Variants in GALNT18 observed in about 807,000 individuals in gnomAD.
The protein encoded by GALNT18 is GalNAc-transferase 18.
Under a neutral mutation model 69.5 loss-of-function variants are expected in GALNT18, and 44 were observed. The observed-to-expected ratio is 0.63, with a 90% CI of 0.50 to 0.81. The LOEUF is 0.81. GALNT18 is among the 40% of genes least tolerant of loss of function. The pLI is 0.00. For synonymous variants in GALNT18, 364 were observed against 318.2 expected (o/e 1.14, Z -1.53); for missense variants, 715 against 810.0 (o/e 0.88, Z 1.42).
rs191139318 is a variant in GALNT18 at position 11,385,497 on chromosome 11, A to C, written c.596-6233T>G. 3.9e-5 allele frequency among the ~76,000 whole-genome samples: 6 copies of C among 151,966 alleles called. No homozygotes were observed. The East Asian group carries it at 1.2e-3, about 29-fold the overall frequency. On this transcript the variant is annotated intron_variant, in intron 3 of 10. Coordinates refer to ENST00000227756, the MANE Select transcript of GALNT18 (RefSeq NM_198516.3). The stretch of plus-strand genomic sequence containing the variant: ...TTTTTAGTAGAGATGGGGTTTCACC[A>C]TGTTAGCCAGGATGGTCTCGATCTC...
At position 11,292,947 on chromosome 11, in the gene GALNT18, T is replaced by A. The variant is rs535419857; in HGVS notation, c.1677+82A>T. ...GTCTCTCCTTCCCCTTCCCCTCTCC[T>A]CCACCACCTCCCTGGCCCCTGAGGC... is the stretch of plus-strand genomic sequence containing the variant. On this transcript the variant is annotated intron_variant, in intron 10 of 10. Coordinates refer to ENST00000227756, the MANE Select transcript of GALNT18 (RefSeq NM_198516.3). 1.2e-5 allele frequency: 15 copies of A among 1,265,124 alleles called. No homozygotes were observed. The South Asian group carries it at 3.8e-4, about 32-fold the overall frequency. 78.4% of individuals were successfully genotyped at this position (1,265,124 alleles called of 1,614,324 possible). A position where few individuals can be genotyped will look rare whatever the true frequency, so the allele number is the denominator to read the frequency against.
In GALNT18 at chr11:11,620,363, A is replaced by G. The variant is rs1860161660; in HGVS notation, c.235+996T>C. Among the ~76,000 whole-genome samples, 1 of 151,104 alleles carries G rather than the reference A, an allele frequency of 6.6e-6. No homozygotes were observed. Among genetic ancestry groups the G allele is most frequent in the South Asian group, 2.1e-4 (1 of 4,814 alleles). ...TGTGTGTGTGTGCACACCCGGCACC[A>G]GTGCTCCTGGCGCCCGGAACTCCAT... On this transcript the variant is annotated intron_variant, in intron 1 of 10. Transcript: ENST00000227756. The surrounding 1 kb of genome is among the most constrained non-coding windows in gnomAD (Gnocchi z 6.9).
At chr11:11,278,637 T>G in intron 10 of GALNT18, among the ~76,000 whole-genome samples, 1 of 151,762 alleles carries the variant, frequency 6.6e-6, no homozygotes, top group Middle Eastern at 3.2e-3. Flanking sequence ...TACTCACATA[T>G]GGGAGTTAAA....
At position 11,421,318 on chromosome 11, in the gene GALNT18, C is replaced by A. The variant is rs183384382; in HGVS notation, c.595+11303G>T. Reference sequence around the variant, plus strand: ...GCCCTGGGGCTGGTCCACAAAGAGGCGGGTGACTCAAGAGCTGATATACTT... The same window carrying A: ...GCCCTGGGGCTGGTCCACAAAGAGGAGGGTGACTCAAGAGCTGATATACTT... On this transcript the variant is annotated intron_variant, in intron 3 of 10. Coordinates refer to ENST00000227756, the MANE Select transcript of GALNT18 (RefSeq NM_198516.3). This position sits in a 1 kb window ranked among gnomAD's most constrained non-coding sequence, Gnocchi z 5.6. Among the ~76,000 whole-genome samples, 1 of 152,148 alleles carries A rather than the reference C, an allele frequency of 6.6e-6. No individual in the cohort carries two copies. Among genetic ancestry groups the A allele is most frequent in the Non-Finnish European group, 1.5e-5 (1 of 68,010 alleles).
chr11:11,439,142 A>C lies in GALNT18; in HGVS notation c.429-6355T>G, dbSNP rs781513644. On this transcript the variant is annotated intron_variant, in intron 2 of 10. Transcript: ENST00000227756. This position sits in a 1 kb window ranked among gnomAD's most constrained non-coding sequence, Gnocchi z 4.4. ...ACAATGGAGGGGTTGAATGTAGGAG[A>C]TCCTAAGAAGATGATAAGTGAGGCG... Among the ~76,000 whole-genome samples, 46 of 152,158 alleles carry C rather than the reference A, an allele frequency of 3.0e-4. No homozygotes were observed. Among genetic ancestry groups the C allele is most frequent in the Non-Finnish European group, 5.4e-4 (37 of 68,038 alleles).
chr11:11,356,788 G>C lies in GALNT18; in HGVS notation c.1092+15727C>G, dbSNP rs1329576351. ...CATTCCTGAGTAAAATTGTTCTTGG[G>C]CACTCTCCTTCTGCTCCCCACCATT... On this transcript the variant is annotated intron_variant, in intron 6 of 10. Coordinates refer to ENST00000227756, the MANE Select transcript of GALNT18 (RefSeq NM_198516.3). This position sits in a 1 kb window ranked among gnomAD's most constrained non-coding sequence, Gnocchi z 4.4. 6.6e-6 allele frequency among the ~76,000 whole-genome samples: 1 copy of C among 152,138 alleles called. No individual in the cohort carries two copies. Among genetic ancestry groups the C allele is most frequent in the Admixed American group, 6.5e-5 (1 of 15,282 alleles).
intron 3 of GALNT18, among the ~76,000 whole-genome samples, chr11:11,411,648 T>C (rs932585435): frequency 5.3e-5 from 8 of 152,224 alleles, no homozygotes; most frequent in African/African-American, 1.9e-4. Context: ...TATCTTGGCA[T>C]GGGACAATAT....
chr11:11,362,159 C>A (rs970633052), intron 6 of GALNT18, among the ~76,000 whole-genome samples: 1 of 151,972 alleles, frequency 6.6e-6, no homozygotes, highest in African/African-American at 2.4e-5. Flanking sequence ...ATTCCTCACA[C>A]CAAACTGCAG....
Position 11,606,717 on chromosome 11 carries a change from A to G in GALNT18, c.235+14642T>C, listed in dbSNP as rs1859765677. Among the ~76,000 whole-genome samples, 1 of 152,200 alleles carries G rather than the reference A, an allele frequency of 6.6e-6. No homozygotes were observed. The highest frequency in any genetic ancestry group is 6.5e-5 in the Admixed American group (1 of 15,278). On this transcript the variant is annotated intron_variant, in intron 1 of 10. Coordinates refer to ENST00000227756, the MANE Select transcript of GALNT18 (RefSeq NM_198516.3). The surrounding 1 kb of genome is among the most constrained non-coding windows in gnomAD (Gnocchi z 5.4). ...GGTTTCATCTGAGGACAAACAAGTA[A>G]GGATTTTCCTTCCTGGTGCACACGT...
intron 1 of GALNT18, among the ~76,000 whole-genome samples, chr11:11,466,310 C>A (rs551796631): frequency 6.6e-6 from 1 of 152,200 alleles, no homozygotes; most frequent in South Asian, 2.1e-4. Flanking sequence ...AAATCCCTAC[C>A]CTCCTTTCAT....
In GALNT18 at chr11:11,621,272, T is replaced by A; in HGVS notation, c.235+87A>T. On this transcript the variant is annotated intron_variant, in intron 1 of 10. Transcript: ENST00000227756. This position sits in a 1 kb window ranked among gnomAD's most constrained non-coding sequence, Gnocchi z 9.3. ...GCCCCAGAGCCCCGCCGTGGCTGAG[T>A]TGATGCGCACCAGCCCCAGCGCACC... 2 of 1,100,368 alleles carry A rather than the reference T, an allele frequency of 1.8e-6. No homozygotes were observed. The highest frequency in any genetic ancestry group is 2.7e-6 in the Non-Finnish European group (2 of 746,804). 68.2% of individuals were successfully genotyped at this position (1,100,368 alleles called of 1,614,324 possible). A position where few individuals can be genotyped will look rare whatever the true frequency, so the allele number is the denominator to read the frequency against.
At chr11:11,556,555 T>C (rs757252658) in intron 1 of GALNT18, among the ~76,000 whole-genome samples, 8 of 152,248 alleles carry the variant, frequency 5.3e-5, no homozygotes, top group Non-Finnish European at 7.3e-5. Flanking sequence ...GGCTCCAGTT[T>C]CCTACCTCTG....
Position 11,436,051 on chromosome 11 carries a change from A to G in GALNT18, c.429-3264T>C, listed in dbSNP as rs1855394339. 6.6e-6 allele frequency among the ~76,000 whole-genome samples: 1 copy of G among 152,124 alleles called. No homozygotes were observed. The highest frequency in any genetic ancestry group is 2.1e-4 in the South Asian group (1 of 4,826). ...CCTTTCCTCAGCCTTCAGTTTCTCCACACCTGACCTAATGTGGCCCTGCGT... is the reference window on the plus strand; with the variant it reads ...CCTTTCCTCAGCCTTCAGTTTCTCCGCACCTGACCTAATGTGGCCCTGCGT... On this transcript the variant is annotated intron_variant, in intron 2 of 10. Coordinates refer to ENST00000227756, the MANE Select transcript of GALNT18 (RefSeq NM_198516.3). This position sits in a 1 kb window ranked among gnomAD's most constrained non-coding sequence, Gnocchi z 4.5.
At chr11:11,452,976 G>A (rs1040240773) in intron 1 of GALNT18, among the ~76,000 whole-genome samples, 4 of 152,222 alleles carry the variant, frequency 2.6e-5, no homozygotes, top group African/African-American at 9.6e-5. Flanking sequence ...GCCAGAGAGT[G>A]TGAAGGGGAG....
intron 2 of GALNT18, 97 bp downstream of exon 2, chr11:11,448,647 G>A: frequency 9.9e-7 from 1 of 1,011,988 alleles, no homozygotes; most frequent in Non-Finnish European, 1.4e-6. Flanking sequence ...AGGGACCCAA[G>A]AATCCAGGCG....
chr11:11,379,342 T>C (rs1853853365), intron 3 of GALNT18, 78 bp from the exon 4 acceptor site: 2 of 1,380,600 alleles, frequency 1.4e-6, no homozygotes, highest in Admixed American at 1.9e-5. Context: ...GTCACTCTTT[T>C]AGTGATGACC....
intron 9 of GALNT18, among the ~76,000 whole-genome samples, chr11:11,312,733 C>T (rs944589405): frequency 6.6e-6 from 1 of 152,176 alleles, no homozygotes; most frequent in Non-Finnish European, 1.5e-5. Flanking sequence ...TCAAAGGCTG[C>T]GTGTCTGCAG....
chr11:11,407,466 A>T (rs565501922), intron 3 of GALNT18, among the ~76,000 whole-genome samples: 4 of 152,336 alleles, frequency 2.6e-5, no homozygotes, highest in Admixed American at 6.5e-5. Context: ...CCACTTCAGC[A>T]CACACGTCTC....
rs138541348 is a variant in GALNT18, at chr11:11,461,979, C to A, written c.236-13043G>T. 4.2e-3 allele frequency among the ~76,000 whole-genome samples: 635 copies of A among 152,356 alleles called. 4 individuals carry two copies. The highest frequency in any genetic ancestry group is 0.014 in the African/African-American group (595 of 41,582). The stretch of plus-strand genomic sequence containing the variant: ...CAAACAGCCTCTCCCAGGAAGCCTG[C>A]CTGTTTCCAGTTTCTTTCTTCTGGT... On this transcript the variant is annotated intron_variant, in intron 1 of 10. Coordinates refer to ENST00000227756, the MANE Select transcript of GALNT18 (RefSeq NM_198516.3). The surrounding 1 kb of genome is among the most constrained non-coding windows in gnomAD (Gnocchi z 4.1).
Sources: gnomAD v4.1 joint callset for allele counts (sites outside exome capture counted in the v4.1 genomes callset) on GRCh38, gnomAD v4.1.1 for gene constraint, Gnocchi (gnomAD v3.1) non-coding constraint, MANE v1.5 for transcripts, NCBI Gene and HGNC (gene_info 2026-07-23, HGNC 2026-07-21) for gene names.